The following SF1 variants were observed in gnomAD, a reference collection of about 807,000 sequenced individuals.
The protein encoded by SF1 is branch point-binding protein.
Under a neutral mutation model 62.5 loss-of-function variants are expected in SF1, and 7 were observed. The ratio of observed to expected loss-of-function variants is 0.11; its 90% CI spans 0.06 to 0.21. The LOEUF is 0.21. Ranked by LOEUF, SF1 falls within the 10% of genes least tolerant of loss-of-function variation. SF1 has a pLI of 1.00. For synonymous variants in SF1, 394 were observed against 323.6 expected, an observed-to-expected ratio of 1.22 and a Z score of -2.33; for missense variants, 578 against 884.0, an observed-to-expected ratio of 0.65 and a Z score of 4.39.
Position 64,773,434 on chromosome 11 carries a change from C to T in SF1, c.232G>A (p.Asp78Asn). ...TGGTTAAAACTGTTTCCCAACCTGT[C>T]CTCAGGGTTAGGGGGGATGCCCAGG... ...GDLGIPPNPE[D>N]RSPSPEPIYN... Residue 78 changes from aspartate to asparagine, a missense_variant, in exon 3 of 13, where the codon GAC becomes AAC. Asp to Asn is a conservative substitution (Grantham distance 23). Coordinates refer to ENST00000377390, the MANE Select transcript of SF1 (RefSeq NM_004630.4). 1 of 1,613,218 alleles carries T rather than the reference C, an allele frequency of 6.2e-7. No homozygotes were observed. The highest frequency in any genetic ancestry group is 8.5e-7 in the Non-Finnish European group (1 of 1,179,788).
chr11:64,778,348 G>A lies in SF1; in HGVS notation c.31+14C>T. On this transcript the variant is annotated intron_variant, in intron 1 of 12. Coordinates refer to ENST00000377390, the MANE Select transcript of SF1 (RefSeq NM_004630.4). Reference sequence around the variant, plus strand: ...GCCCGGGGAGCGGGGGCAGCCCGGGGGGGCCCAGCTTACCCAACGGCGTGG... The same window carrying A: ...GCCCGGGGAGCGGGGGCAGCCCGGGAGGGCCCAGCTTACCCAACGGCGTGG... 2 of 1,227,252 alleles carry A rather than the reference G, an allele frequency of 1.6e-6. No homozygotes were observed. Among genetic ancestry groups the A allele is most frequent in the Non-Finnish European group, 2.0e-6 (2 of 984,250 alleles). The allele number at this position is 1,227,252 out of a possible 1,614,324, so 76.0% of individuals were successfully genotyped here.
chr11:64,768,322 G>T (rs755440589), intron 8 of SF1, 36 bp from the exon 9 acceptor site: 1 of 1,591,472 alleles, frequency 6.3e-7, no homozygotes, highest in Admixed American at 1.8e-5. Context: ...AGAGAAAGGG[G>T]AAAAACTTGT....
At position 64,767,566 on chromosome 11, in the gene SF1, C is replaced by T. The variant is rs370066076; in HGVS notation, c.1342+5G>A. ...CCCAAGGTTTCTGGTCTGACACTTACTTACCCATTGGAGGAGGGCCATGGT... is the reference window on the plus strand; with the variant it reads ...CCCAAGGTTTCTGGTCTGACACTTATTTACCCATTGGAGGAGGGCCATGGT... On this transcript the variant is annotated splice_donor_5th_base_variant and intron_variant, in intron 10 of 12. Coordinates refer to ENST00000377390, the MANE Select transcript of SF1 (RefSeq NM_004630.4). 6.5e-7 allele frequency: 1 copy of T among 1,546,830 alleles called. No homozygotes were observed. Among genetic ancestry groups the T allele is most frequent in the African/African-American group, 1.4e-5 (1 of 72,048 alleles).
Position 64,765,860 on chromosome 11 carries a change from G to C in SF1, c.1878C>G (p.Phe626Leu). 1 of 1,560,316 alleles carries C rather than the reference G, an allele frequency of 6.4e-7. No homozygotes were observed. The highest frequency in any genetic ancestry group is 8.7e-7 in the Non-Finnish European group (1 of 1,152,670). Residue 626 changes from phenylalanine to leucine, a missense_variant, in exon 13 of 13, where the codon TTC (phenylalanine) becomes TTG (leucine). Transcript: ENST00000377390. ...MGMGVAGMPPFGMPPAPPPPP... is the reference protein window; with the variant it reads ...MGMGVAGMPPLGMPPAPPPPP... The stretch of plus-strand genomic sequence containing the variant: ...GCGGTGGGGGAGCTGGAGGCATCCC[G>C]AAGGGCGGCATGCCCGCCACCCCCA...
Position 64,767,312 on chromosome 11 carries a change from CCT to C in SF1, c.1343-63_1343-62del, listed in dbSNP as rs200864393. 1,853 of 1,484,066 alleles carry C rather than the reference CCT, an allele frequency of 1.2e-3. 15 individuals are homozygous for C. The African/African-American group carries it at 0.018, about 14-fold the overall frequency. 91.9% of individuals were successfully genotyped at this position (1,484,066 alleles called of 1,614,324 possible). ...ATTGGAACTGGCCAGGGAAGCCACC[CCT>C]GTGATAACCTCAGTTGCTATCCTTA... On this transcript the variant is annotated intron_variant, in intron 10 of 12. Coordinates refer to ENST00000377390, the MANE Select transcript of SF1 (RefSeq NM_004630.4).
At chr11:64,777,979 C>G in intron 1 of SF1, 1 of 994,286 alleles carries the variant, frequency 1.0e-6, no homozygotes, top group Non-Finnish European at 1.2e-6. Flanking sequence ...TCTCTCGGCC[C>G]GACTCACCTC....
At chr11:64,768,816 C>A (rs933420752) in intron 8 of SF1, among the ~76,000 whole-genome samples, 1 of 152,186 alleles carries the variant, frequency 6.6e-6, no homozygotes, top group Non-Finnish European at 1.5e-5. Flanking sequence ...ATGGAAACTT[C>A]CAGTTTTCTT....
chr11:64,777,893 T>C (rs1457194732), intron 1 of SF1: 2 of 935,026 alleles, frequency 2.1e-6, no homozygotes, highest in Non-Finnish European at 2.5e-6. Context: ...CGCGCGCCCC[T>C]GCCGCGTGCA....
chr11:64,776,889 C>T (rs1373274513), intron 1 of SF1, among the ~76,000 whole-genome samples: 1 of 152,156 alleles, frequency 6.6e-6, no homozygotes, highest in Non-Finnish European at 1.5e-5. Context: ...GATATATAAA[C>T]GTGGTAATCT....
intron 3 of SF1, chr11:64,772,766 A>G (rs1772789682): frequency 1.0e-6 from 1 of 985,254 alleles, no homozygotes; most frequent in Admixed American, 6.2e-5. Flanking sequence ...CTGAAATGAC[A>G]TGACCACAGC....
rs375200360 is a variant in SF1 at position 64,776,403 on chromosome 11, A to G, written c.160+95T>C. On this transcript the variant is annotated intron_variant, in intron 2 of 12. Transcript: ENST00000377390. ...GTGAAAGTATCTCATCTCAAAAAAG[A>G]TAACTACAATCTCAAACTTTCAAAA... 20 of 1,359,896 alleles carry G rather than the reference A, an allele frequency of 1.5e-5. No individual in the cohort carries two copies. In the African/African-American group the frequency reaches 1.7e-4, roughly 12 times the overall value. The allele number at this position is 1,359,896 out of a possible 1,614,324, so 84.2% of individuals were successfully genotyped here. A position where few individuals can be genotyped will look rare whatever the true frequency, so the allele number is the denominator to read the frequency against.
rs1347189503 is a variant in SF1 at position 64,766,960 on chromosome 11, G to A, written c.1522C>T (p.Pro508Ser). The change falls in exon 12 of 13, where the codon CCG becomes TCG. Residue 508 changes from proline (P) to serine (S), a missense_variant. Physicochemically the swap from Pro to Ser is moderately conservative, Grantham distance 74 (BLOSUM62 -1). This residue lies in a region of SF1 where 410 missense variants were observed against 452.4 expected (regional missense o/e 0.91). Transcript: ENST00000377390. ...CTGCTGCTGGGCGGAGGGGGTGGCG[G>A]AGGCTGCTGCTGCTGTTGTTGCCAT... ...PPWQQQQQQP[P>S]PPPPPSSSMA... is the part of the protein sequence containing the mutation. 6.7e-7 allele frequency: 1 copy of A among 1,502,762 alleles called. No homozygotes were observed. The highest frequency in any genetic ancestry group is 2.3e-5 in the Admixed American group (1 of 43,712). The allele number at this position is 1,502,762 out of a possible 1,614,324, so 93.1% of individuals were successfully genotyped here.
In SF1 at chr11:64,770,509, A is replaced by G. The variant is rs555605968; in HGVS notation, c.237-101T>C. ...CCAGCCCCTCTGCCTCTCAGACCCTAATACAACACTCTTCGGAGGAACCGA... is the reference window on the plus strand; with the variant it reads ...CCAGCCCCTCTGCCTCTCAGACCCTGATACAACACTCTTCGGAGGAACCGA... On this transcript the variant is annotated intron_variant, in intron 3 of 12. Coordinates refer to ENST00000377390, the MANE Select transcript of SF1 (RefSeq NM_004630.4). The G allele has an allele frequency of 2.5e-5, 32 of 1,281,876 alleles. No individual in the cohort carries two copies. In the South Asian group the frequency reaches 4.0e-4, roughly 16 times the overall value. The allele number at this position is 1,281,876 out of a possible 1,614,324, so 79.4% of individuals were successfully genotyped here.
At position 64,768,205 on chromosome 11, in the gene SF1, T is replaced by C. The variant is rs757431302; in HGVS notation, c.969A>G (p.Ala323=). ...TGGAGCCCACAGATGCTGGGACAGG[T>C]GCTTCACCCAGTTCAGCCATGAGGG... is the stretch of plus-strand genomic sequence containing the variant. ...YLSLMAELGE[A]PVPASVGSTS... is the part of the protein sequence containing the mutation. Residue 323 remains alanine (A), a synonymous_variant, in exon 9 of 13, where the codon GCA becomes GCG. Transcript: ENST00000377390. The C allele has an allele frequency of 1.2e-5, 20 of 1,613,850 alleles. No homozygotes were observed. Among genetic ancestry groups the C allele is most frequent in the Non-Finnish European group, 1.6e-5 (19 of 1,179,954 alleles).
At position 64,767,039 on chromosome 11, in the gene SF1, CGGCGGCGGCATCATGCCCATAGGTGGT is replaced by C. The variant is rs1565556392; in HGVS notation, c.1416_1442del (p.Met475_Pro483del). Reference sequence around the variant, plus strand: ...GGGGCTGCCCACTGGGAGGCGGCGGCGGCGGCGGCATCATGCCCATAGGTGGTGGCGGCATCATACCTGTGGACAGGT... The same window carrying C: ...GGGGCTGCCCACTGGGAGGCGGCGGCGGCGGCATCATACCTGTGGACAGGT... On this transcript the variant is annotated inframe_deletion, in exon 12 of 13. Coordinates refer to ENST00000377390, the MANE Select transcript of SF1 (RefSeq NM_004630.4). 1.3e-6 allele frequency: 2 copies of C among 1,552,290 alleles called. No individual in the cohort carries two copies. Among genetic ancestry groups the C allele is most frequent in the Non-Finnish European group, 8.7e-7 (1 of 1,147,248 alleles).
intron 1 of SF1, chr11:64,777,972 C>G (rs1279690719): frequency 2.0e-6 from 2 of 992,690 alleles, no homozygotes; most frequent in Non-Finnish European, 1.2e-6. Context: ...CTCGCGCTCT[C>G]TCGGCCCGAC....
Position 64,765,185 on chromosome 11 carries a change from T to G in SF1, c.*633A>C, listed in dbSNP as rs2058555088. The G allele has an allele frequency of 2.7e-6, 1 of 373,176 alleles. No individual in the cohort carries two copies. 23.1% of individuals were successfully genotyped at this position (373,176 alleles called of 1,614,324 possible). ...GGCCAAAGCCCTTGCCCAAAACCAT[T>G]TGCTCCCCTCTCCTTGGTAAGGGAA... is the stretch of plus-strand genomic sequence containing the variant. On this transcript the variant is annotated 3_prime_UTR_variant, in exon 13 of 13. Transcript: ENST00000377390.
Position 64,778,512 on chromosome 11 carries a change from A to G in SF1, c.-120T>C, listed in dbSNP as rs925740133. The G allele has an allele frequency of 1.8e-6, 2 of 1,105,200 alleles. No homozygotes were observed. The highest frequency in any genetic ancestry group is 3.5e-5 in the African/African-American group (2 of 56,648). The allele number at this position is 1,105,200 out of a possible 1,614,324, so 68.5% of individuals were successfully genotyped here. ...CGGAGCGCGCGGAGCCCGTCCTCTCACGCGGCGGGCGGCGGCGGCGCGAGA... is the reference window on the plus strand; with the variant it reads ...CGGAGCGCGCGGAGCCCGTCCTCTCGCGCGGCGGGCGGCGGCGGCGCGAGA... On this transcript the variant is annotated 5_prime_UTR_variant, in exon 1 of 13. Transcript: ENST00000377390.
chr11:64,767,342 C>A (rs545139081), intron 10 of SF1, 91 bp from the exon 11 acceptor site: 4 of 1,321,440 alleles, frequency 3.0e-6, no homozygotes, highest in Non-Finnish European at 4.4e-6. Flanking sequence ...TATCCTTACG[C>A]GAGTTCTGAA....
Sources: allele counts gnomAD v4.1 joint callset (sites outside exome capture counted in the v4.1 genomes callset), GRCh38; gene constraint gnomAD v4.1.1; regional missense constraint gnomAD v4.1.1; transcripts MANE v1.5; gene names NCBI Gene and HGNC (gene_info 2026-07-23, HGNC 2026-07-21).